The following SERTAD2 variants were observed in gnomAD, a reference collection of about 807,000 sequenced individuals.
SERTAD2 encodes the protein SERTA domain-containing protein 2.
SERTAD2 carries 2 observed loss-of-function variants against 15.4 expected under a neutral mutation model. The ratio of observed to expected loss-of-function variants is 0.13; its 90% CI spans 0.05 to 0.41. The LOEUF (loss-of-function observed/expected upper bound fraction) is 0.41. Among genes scored for constraint, SERTAD2 ranks in the 10% least tolerant of loss-of-function variants. SERTAD2 has a pLI of 0.99. For synonymous variants in SERTAD2, 180 were observed against 178.0 expected (o/e 1.01, Z -0.09); for missense variants, 333 against 409.7 (o/e 0.81, Z 1.62).
intron 1 of SERTAD2, chr2:64,646,333 A>G (rs1233379685): frequency 6.6e-6 from 1 of 152,240 alleles, no homozygotes; most frequent in Non-Finnish European, 1.5e-5. Flanking sequence ...TTTCTAAATT[A>G]AAACATATAA....
Position 64,631,907 on chromosome 2 carries a change from A to C in SERTAD2, c.*4020T>G, listed in dbSNP as rs1197043149. 6.6e-6 allele frequency: 1 copy of C among 152,650 alleles called. No homozygotes were observed. Among genetic ancestry groups the C allele is most frequent in the Non-Finnish European group, 1.5e-5 (1 of 68,050 alleles). 9.5% of individuals were successfully genotyped at this position (152,650 alleles called of 1,614,324 possible). A position where few individuals can be genotyped will look rare whatever the true frequency, so the allele number is the denominator to read the frequency against. The stretch of plus-strand genomic sequence containing the variant: ...TTCAAAATCTCGGTCATGCGCACAT[A>C]TGGCCTGCATTTCTCTTCCAAAACT... On this transcript the variant is annotated 3_prime_UTR_variant, in exon 2 of 2. Transcript: ENST00000313349.
chr2:64,645,845 G>A (rs148689635), intron 1 of SERTAD2, among the ~76,000 whole-genome samples: 74 of 152,266 alleles, frequency 4.9e-4, no homozygotes, highest in African/African-American at 1.7e-3. Context: ...CTCTTATGAA[G>A]CTATGGACAC....
chr2:64,632,813 C>G lies in SERTAD2; in HGVS notation c.*3114G>C, dbSNP rs1195261406. 1.3e-5 allele frequency: 2 copies of G among 152,562 alleles called. No individual in the cohort carries two copies. The highest frequency in any genetic ancestry group is 2.9e-5 in the Non-Finnish European group (2 of 68,032). The allele number at this position is 152,562 out of a possible 1,614,324, so 9.5% of individuals were successfully genotyped here. ...CCATACATTCTGCACATGTTACGAT[C>G]CAGATGTTAGCGCTCCACAGTAAAA... On this transcript the variant is annotated 3_prime_UTR_variant, in exon 2 of 2. Transcript: ENST00000313349.
chr2:64,652,591 T>C (rs957212142), intron 1 of SERTAD2, among the ~76,000 whole-genome samples: 3 of 152,216 alleles, frequency 2.0e-5, no homozygotes, highest in African/African-American at 7.2e-5. Context: ...ATGTACTCTC[T>C]ACCCTAAGCC....
chr2:64,650,968 C>T (rs905456951), intron 1 of SERTAD2, among the ~76,000 whole-genome samples: 2 of 152,198 alleles, frequency 1.3e-5, no homozygotes, highest in South Asian at 2.1e-4. Context: ...CTCTCTCTCA[C>T]GCACCAAGTA....
rs1253080522 is a variant in SERTAD2 at position 64,634,597 on chromosome 2, G to A, written c.*1330C>T. 1 of 152,206 alleles carries A rather than the reference G, an allele frequency of 6.6e-6. No individual in the cohort carries two copies. The highest frequency in any genetic ancestry group is 1.5e-5 in the Non-Finnish European group (1 of 68,048). The allele number at this position is 152,206 out of a possible 1,614,324, so 9.4% of individuals were successfully genotyped here. Reference sequence around the variant, plus strand: ...GAGCCAAGCTCACTGTGGTGATCACGAAGATGCCATTTTCAGCTCTTAGCA... The same window carrying A: ...GAGCCAAGCTCACTGTGGTGATCACAAAGATGCCATTTTCAGCTCTTAGCA... On this transcript the variant is annotated 3_prime_UTR_variant, in exon 2 of 2. Transcript: ENST00000313349.
At chr2:64,649,474 T>C (rs750202121) in intron 1 of SERTAD2, among the ~76,000 whole-genome samples, 6 of 152,248 alleles carry the variant, frequency 3.9e-5, no homozygotes, top group African/African-American at 9.6e-5. Context: ...ACAGAATATA[T>C]AGACATAGAT....
rs1674581720 is a variant in SERTAD2 at position 64,633,533 on chromosome 2, A to T, written c.*2394T>A. On this transcript the variant is annotated 3_prime_UTR_variant, in exon 2 of 2. Coordinates refer to ENST00000313349, the MANE Select transcript of SERTAD2 (RefSeq NM_014755.3). ...GTTATTGTTCAGAATCATCAATACT[A>T]TTGTATATGTGTACGTAGGTAGATG... 6.6e-6 allele frequency: 1 copy of T among 152,246 alleles called. No individual in the cohort carries two copies. Among genetic ancestry groups the T allele is most frequent in the Admixed American group, 6.5e-5 (1 of 15,284 alleles). The allele number at this position is 152,246 out of a possible 1,614,324, so 9.4% of individuals were successfully genotyped here. A position where few individuals can be genotyped will look rare whatever the true frequency, so the allele number is the denominator to read the frequency against.
At chr2:64,645,177 C>CCAGT (rs1488636513) in intron 1 of SERTAD2, among the ~76,000 whole-genome samples, 1 of 152,200 alleles carries the variant, frequency 6.6e-6, no homozygotes, top group African/African-American at 2.4e-5. Flanking sequence ...CTAGATCAAG[C>CCAGT]CAGTCTCCTG....
chr2:64,646,473 G>T (rs1270221911), intron 1 of SERTAD2: 1 of 151,554 alleles, frequency 6.6e-6, no homozygotes, highest in African/African-American at 2.4e-5. Flanking sequence ...AATTCAAGTT[G>T]GAACTCTTTA....
intron 1 of SERTAD2, among the ~76,000 whole-genome samples, chr2:64,640,556 C>A (rs930968981): frequency 6.6e-6 from 1 of 151,210 alleles, no homozygotes; most frequent in Admixed American, 6.6e-5. Context: ...TTCAAAAAGG[C>A]TTCGCTGGGC....
In SERTAD2 at chr2:64,636,322, T is replaced by G. The variant is rs778765238; in HGVS notation, c.550A>C (p.Thr184Pro). Residue 184 changes from threonine (T) to proline (P), a missense_variant, in exon 2 of 2, where the codon ACC becomes CCC. Physicochemically the swap from Thr to Pro is conservative, Grantham distance 38. This residue lies in a region of SERTAD2 where 332 missense variants were observed against 392.9 expected (regional missense o/e 0.84). Coordinates refer to ENST00000313349, the MANE Select transcript of SERTAD2 (RefSeq NM_014755.3). Reference protein sequence around the residue: ...DEIEELCPTSTSTEAATAATD... With the variant: ...DEIEELCPTSPSTEAATAATD... ...GCAGCCGTGGCCGCCTCTGTGGAGG[T>G]AGATGTGGGACAGAGCTCCTCGATC... 6 of 1,613,808 alleles carry G rather than the reference T, an allele frequency of 3.7e-6. No homozygotes were observed. In the East Asian group the frequency reaches 1.3e-4, roughly 36 times the overall value.
intron 1 of SERTAD2, among the ~76,000 whole-genome samples, chr2:64,638,710 GTCA>G (rs1674712766): frequency 8.6e-6 from 1 of 116,656 alleles, no homozygotes; most frequent in African/African-American, 3.2e-5. Context: ...GGCTGTCAAT[GTCA>G]ATCACAATGA....
In SERTAD2 at chr2:64,636,583, T is replaced by C. The variant is rs766054755; in HGVS notation, c.289A>G (p.Ser97Gly). ...TPSSQPTTEP[S>G]DSYREAPPAF... ...GGCGGGGCCTCTCGGTAGCTGTCGC[T>C]GGGCTCGGTGGTGGGCTGGGAGGAG... The change falls in exon 2 of 2, where the codon AGC becomes GGC. Residue 97 changes from serine (S) to glycine (G), a missense_variant. Around this residue, in one of 2 missense-constraint regions of SERTAD2, gnomAD observed 332 missense variants for 392.9 expected, o/e 0.84. Transcript: ENST00000313349. 1 of 1,597,514 alleles carries C rather than the reference T, an allele frequency of 6.3e-7. No homozygotes were observed. Among genetic ancestry groups the C allele is most frequent in the East Asian group, 2.2e-5 (1 of 44,614 alleles).
chr2:64,631,851 T>C lies in SERTAD2; in HGVS notation c.*4076A>G, dbSNP rs1320127059. 1 of 152,642 alleles carries C rather than the reference T, an allele frequency of 6.6e-6. No homozygotes were observed. The highest frequency in any genetic ancestry group is 1.9e-4 in the East Asian group (1 of 5,206). 9.5% of individuals were successfully genotyped at this position (152,642 alleles called of 1,614,324 possible). On this transcript the variant is annotated 3_prime_UTR_variant, in exon 2 of 2. Transcript: ENST00000313349. ...TGACAAAAGCCCTCCTCAAAAACCA[T>C]GCACCAAACATGTCACTATGTACAT...
chr2:64,652,822 CT>C (rs1382981374), intron 1 of SERTAD2, among the ~76,000 whole-genome samples: 1 of 148,906 alleles, frequency 6.7e-6, no homozygotes, highest in African/African-American at 2.5e-5. Context: ...CCATCGCAAT[CT>C]ATTACTACCA....
chr2:64,647,471 C>T (rs1308415912), intron 1 of SERTAD2, among the ~76,000 whole-genome samples: 3 of 152,212 alleles, frequency 2.0e-5, no homozygotes, highest in Non-Finnish European at 2.9e-5. Flanking sequence ...CTCCCATTCT[C>T]GGGCATAATG....
In SERTAD2 at chr2:64,635,922, G is replaced by C. The variant is rs1162548338; in HGVS notation, c.*5C>G. 2 of 1,604,254 alleles carry C rather than the reference G, an allele frequency of 1.2e-6. No homozygotes were observed. Among genetic ancestry groups the C allele is most frequent in the African/African-American group, 2.7e-5 (2 of 74,594 alleles). On this transcript the variant is annotated 3_prime_UTR_variant, in exon 2 of 2. Transcript: ENST00000313349. ...GGGTGGGCATAGTCGCTGGGTCCCT[G>C]GGTCTTAGGACCCAACAAGCACCTC... is the stretch of plus-strand genomic sequence containing the variant.
In SERTAD2 at chr2:64,636,397, G is replaced by A; in HGVS notation, c.475C>T (p.Pro159Ser). 2 of 1,614,244 alleles carry A rather than the reference G, an allele frequency of 1.2e-6. No homozygotes were observed. The highest frequency in any genetic ancestry group is 1.1e-5 in the South Asian group (1 of 91,086). The change falls in exon 2 of 2, where the codon CCT becomes TCT. Residue 159 changes from proline to serine, a missense_variant. By Grantham distance (74) the Pro-to-Ser change is moderately conservative. Around this residue, in one of 2 missense-constraint regions of SERTAD2, gnomAD observed 332 missense variants for 392.9 expected, o/e 0.84. Transcript: ENST00000313349. ...MQPTAPTKLSPPALLPEKDSF... is the reference protein window; with the variant it reads ...MQPTAPTKLSSPALLPEKDSF... ...TCCTTTTCTGGCAAGAGGGCTGGAGGTGACAGTTTGGTGGGAGCCGTGGGC... is the reference window on the plus strand; with the variant it reads ...TCCTTTTCTGGCAAGAGGGCTGGAGATGACAGTTTGGTGGGAGCCGTGGGC...
Sources: gnomAD v4.1 joint callset for allele counts (sites outside exome capture counted in the v4.1 genomes callset) on GRCh38, gnomAD v4.1.1 for gene constraint, gnomAD v4.1.1 regional missense constraint, MANE v1.5 for transcripts, NCBI Gene and HGNC (gene_info 2026-07-23, HGNC 2026-07-21) for gene names.